Variants in ATRNL1 observed in about 807,000 individuals in gnomAD.
The protein encoded by ATRNL1 is attractin like 1, also known as attractin-like protein 1.
Under a neutral mutation model 182.7 loss-of-function variants are expected in ATRNL1, and 95 were observed. The observed-to-expected ratio is 0.52, with a 90% CI of 0.44 to 0.62. The LOEUF (loss-of-function observed/expected upper bound fraction) is 0.62. Ranked by LOEUF, ATRNL1 falls within the 20% of genes least tolerant of loss-of-function variation. ATRNL1 has a pLI of 0.00. For synonymous variants in ATRNL1, 576 were observed against 568.3 expected (o/e 1.01, Z -0.19); for missense variants, 1,471 against 1,679.5 (o/e 0.88, Z 2.17).
intron 19 of ATRNL1, among the ~76,000 whole-genome samples, chr10:115,384,853 CT>C (rs566812367): frequency 2.0e-3 from 291 of 143,762 alleles, no homozygotes; most frequent in South Asian, 4.0e-3. Flanking sequence ...TTTAATTTCT[CT>C]TTTTTTTTTT....
At chr10:115,346,594 G>C (rs372253470) in intron 19 of ATRNL1, among the ~76,000 whole-genome samples, 1 of 152,216 alleles carries the variant, frequency 6.6e-6, no homozygotes, top group East Asian at 1.9e-4. Flanking sequence ...CCTTTTGGCT[G>C]TTGTAAATAA....
intron 27 of ATRNL1, among the ~76,000 whole-genome samples, chr10:115,816,952 T>G (rs1184303575): frequency 6.6e-6 from 1 of 152,186 alleles, no homozygotes; most frequent in Non-Finnish European, 1.5e-5. Flanking sequence ...ATAGAAATTC[T>G]GCTTTTTTAA....
intron 25 of ATRNL1, among the ~76,000 whole-genome samples, chr10:115,537,026 T>C (rs1378680549): frequency 6.6e-6 from 1 of 152,234 alleles, no homozygotes. Flanking sequence ...CACCTGAAGA[T>C]ATGGATTTTG....
intron 8 of ATRNL1, among the ~76,000 whole-genome samples, chr10:115,179,312 A>AGTGGG (rs1261667832): frequency 1.1e-4 from 17 of 151,694 alleles, no homozygotes; most frequent in African/African-American, 4.1e-4. Flanking sequence ...GTGGGAGATG[A>AGTGGG]GTGGGGTTGT....
intron 27 of ATRNL1, among the ~76,000 whole-genome samples, chr10:115,819,011 T>A (rs572272224): frequency 6.6e-6 from 1 of 152,218 alleles, no homozygotes; most frequent in East Asian, 1.9e-4. Flanking sequence ...ATCTACCTTA[T>A]CAGACGTCTC....
chr10:115,339,869 T>C (rs562041024), intron 19 of ATRNL1, among the ~76,000 whole-genome samples: 2 of 152,300 alleles, frequency 1.3e-5, no homozygotes, highest in Middle Eastern at 3.4e-3. Context: ...GGTTGAGTTA[T>C]GTTCCTTCAA....
chr10:115,447,464 T>G (rs183224760), intron 21 of ATRNL1, among the ~76,000 whole-genome samples: 70 of 150,994 alleles, frequency 4.6e-4, no homozygotes, highest in African/African-American at 1.7e-3. Flanking sequence ...TATAAGTACC[T>G]TTAATTTGTT....
chr10:115,864,281 A>G (rs1951383114), intron 28 of ATRNL1, among the ~76,000 whole-genome samples: 2 of 152,024 alleles, frequency 1.3e-5, no homozygotes, highest in African/African-American at 2.4e-5. Context: ...GAAAAAAAAA[A>G]AAAAAGAAGT....
chr10:115,516,863 G>A (rs143376290), intron 24 of ATRNL1, among the ~76,000 whole-genome samples: 146 of 151,712 alleles, frequency 9.6e-4, no homozygotes, highest in Non-Finnish European at 1.1e-3. Flanking sequence ...TCTAACCACC[G>A]GATCCAAATT....
Position 115,467,212 on chromosome 10 carries a change from C to A in ATRNL1, c.3456C>A (p.Asn1152Lys). Residue 1152 changes from asparagine (N) to lysine (K), a missense_variant, in exon 23 of 29, where the codon AAC becomes AAA. By Grantham distance (94) the Asn-to-Lys change is moderately conservative (BLOSUM62 0). Around this residue, in one of 3 missense-constraint regions of ATRNL1, gnomAD observed 437 missense variants for 506.0 expected, o/e 0.86. Transcript: ENST00000355044. Reference protein sequence around the residue: ...KNLDISINASNNFNLNITWSV... With the variant: ...KNLDISINASKNFNLNITWSV... ...TGGATATATCAATTAATGCATCAAA[C>A]AACTTTAATCTCAACATTACGTGGT... 4 of 1,604,838 alleles carry A rather than the reference C, an allele frequency of 2.5e-6. No homozygotes were observed. Among genetic ancestry groups the A allele is most frequent in the Non-Finnish European group, 3.4e-6 (4 of 1,174,480 alleles).
At chr10:115,859,493 A>G (rs1211818641) in intron 28 of ATRNL1, among the ~76,000 whole-genome samples, 6 of 152,182 alleles carry the variant, frequency 3.9e-5, no homozygotes, top group Non-Finnish European at 7.3e-5. Flanking sequence ...CAGAAAAGGC[A>G]GGCAGAAGGG....
chr10:115,437,777 TAAC>T lies in ATRNL1; in HGVS notation c.3322+11476_3322+11478del, dbSNP rs1460884413. On this transcript the variant is annotated intron_variant, in intron 21 of 28. Coordinates refer to ENST00000355044, the MANE Select transcript of ATRNL1 (RefSeq NM_207303.4). ...AAATCCTTCAGAATTCATTCAGAAA[TAAC>T]TACAGTGAATAAGGCAGTGAAATAA... is the stretch of plus-strand genomic sequence containing the variant. Among the ~76,000 whole-genome samples the T allele has an allele frequency of 2.6e-5, 4 of 152,122 alleles. No homozygotes were observed. The East Asian group carries it at 7.7e-4, about 29-fold the overall frequency.
intron 26 of ATRNL1, among the ~76,000 whole-genome samples, chr10:115,593,071 A>T (rs1025229379): frequency 1.3e-5 from 2 of 152,212 alleles, no homozygotes; most frequent in Non-Finnish European, 2.9e-5. Flanking sequence ...GTTGAGGGGC[A>T]TGCATCTAGC....
intron 21 of ATRNL1, among the ~76,000 whole-genome samples, chr10:115,443,036 T>C (rs1414414100): frequency 1.3e-5 from 2 of 152,044 alleles, no homozygotes; most frequent in African/African-American, 4.8e-5. Flanking sequence ...AATATTTAGT[T>C]TATTTCTGGG....
chr10:115,389,566 A>G lies in ATRNL1; in HGVS notation c.3176-5093A>G, dbSNP rs1460190172. 4.1e-4 allele frequency among the ~76,000 whole-genome samples: 48 copies of G among 117,722 alleles called. 1 individual carries two copies. The East Asian group carries it at 4.3e-3, about 11-fold the overall frequency. 77.2% of individuals were successfully genotyped at this position (117,722 alleles called of 152,430 possible). A position where few individuals can be genotyped will look rare whatever the true frequency, so the allele number is the denominator to read the frequency against. The stretch of plus-strand genomic sequence containing the variant: ...TATATATATATATATATATATATAT[A>G]TATATATATATATATATATATATAT... On this transcript the variant is annotated intron_variant, in intron 19 of 28. Transcript: ENST00000355044.
intron 5 of ATRNL1, among the ~76,000 whole-genome samples, chr10:115,134,192 G>A (rs1343061557): frequency 6.6e-6 from 1 of 152,086 alleles, no homozygotes; most frequent in African/African-American, 2.4e-5. Flanking sequence ...TAAGATCAGA[G>A]CAGAACTGAA....
At chr10:115,244,852 C>T (rs1454294909) in intron 10 of ATRNL1, among the ~76,000 whole-genome samples, 2 of 151,704 alleles carry the variant, frequency 1.3e-5, no homozygotes, top group Non-Finnish European at 2.9e-5. Flanking sequence ...TTTTCTTAAT[C>T]AAAAAGATAA....
intron 15 of ATRNL1, among the ~76,000 whole-genome samples, chr10:115,289,529 C>G (rs1852789258): frequency 6.6e-6 from 1 of 151,848 alleles, no homozygotes; most frequent in Non-Finnish European, 1.5e-5. Flanking sequence ...AAATTTAGTT[C>G]TTTGATCCAT....
At chr10:115,913,567 A>T (rs553767036) in intron 28 of ATRNL1, among the ~76,000 whole-genome samples, 1 of 152,234 alleles carries the variant, frequency 6.6e-6, no homozygotes, top group Non-Finnish European at 1.5e-5. Flanking sequence ...TCTGTGCAAT[A>T]CCTGGCAGAG....
Sources: allele counts gnomAD v4.1 joint callset (sites outside exome capture counted in the v4.1 genomes callset), GRCh38; gene constraint gnomAD v4.1.1; regional missense constraint gnomAD v4.1.1; transcripts MANE v1.5; gene names NCBI Gene and HGNC (gene_info 2026-07-23, HGNC 2026-07-21).